LAMA2: variants seen among roughly 807,000 people sequenced by gnomAD.
LAMA2 encodes laminin subunit alpha-2.
LAMA2 carries 269 observed loss-of-function variants against 364.8 expected under a neutral mutation model. The observed-to-expected ratio is 0.74, with a 90% CI of 0.67 to 0.82. LAMA2 has a LOEUF of 0.82. Among genes scored for constraint, LAMA2 ranks in the 40% least tolerant of loss-of-function variants. The pLI is 0.00. For synonymous variants in LAMA2, 1,379 were observed against 1,370.6 expected (o/e 1.01, Z -0.14); for missense variants, 3,807 against 3,873.2 (o/e 0.98, Z 0.45).
chr6:129,169,100 T>C (rs1359046493), intron 9 of LAMA2, among the ~76,000 whole-genome samples: 2 of 152,132 alleles, frequency 1.3e-5, no homozygotes, highest in African/African-American at 4.8e-5. Flanking sequence ...AATCATGTCG[T>C]CTGCAAACGG....
chr6:129,303,616 A>G (rs1411393764), intron 22 of LAMA2, among the ~76,000 whole-genome samples: 1 of 152,166 alleles, frequency 6.6e-6, no homozygotes, highest in African/African-American at 2.4e-5. Flanking sequence ...AGCTTTTATC[A>G]AGAATATGTG....
At chr6:129,068,474 C>T (rs1168212326) in intron 3 of LAMA2, among the ~76,000 whole-genome samples, 1 of 152,164 alleles carries the variant, frequency 6.6e-6, no homozygotes, top group Admixed American at 6.5e-5. Context: ...TTGCTGTAGC[C>T]TCACATGGCA....
intron 1 of LAMA2, among the ~76,000 whole-genome samples, chr6:128,925,998 T>C (rs933969269): frequency 1.3e-5 from 2 of 152,178 alleles, no homozygotes; most frequent in African/African-American, 2.4e-5. Context: ...GGACTCTCCA[T>C]TGGTCCTTTA....
intron 1 of LAMA2, among the ~76,000 whole-genome samples, chr6:128,883,795 T>TACACACACACACAC (rs1189690006): frequency 3.5e-4 from 47 of 132,914 alleles, no homozygotes; most frequent in African/African-American, 1.5e-3. Flanking sequence ...ATTATATATA[T>TACACACACACACAC]ATATATACAC....
intron 22 of LAMA2, among the ~76,000 whole-genome samples, chr6:129,305,092 G>A (rs1437571569): frequency 6.6e-6 from 1 of 152,120 alleles, no homozygotes; most frequent in African/African-American, 2.4e-5. Context: ...GTATTTTTGA[G>A]CAGTGATACT....
intron 22 of LAMA2, among the ~76,000 whole-genome samples, chr6:129,307,651 T>C (rs868525710): frequency 2.0e-5 from 3 of 152,348 alleles, no homozygotes; most frequent in Non-Finnish European, 2.9e-5. Context: ...AATTGTTTCT[T>C]GGTTTGTATT....
At chr6:129,401,432 G>T in intron 38 of LAMA2, 92 bp downstream of exon 38, 1 of 830,762 alleles carries the variant, frequency 1.2e-6, no homozygotes, top group Admixed American at 1.7e-5. Flanking sequence ...ACTAGTACTT[G>T]TTTTCTTGTG....
intron 12 of LAMA2, among the ~76,000 whole-genome samples, chr6:129,208,838 A>C (rs1782896460): frequency 6.6e-6 from 1 of 152,208 alleles, no homozygotes; most frequent in South Asian, 2.1e-4. Flanking sequence ...AAGAATAGGA[A>C]GAATTTGCTC....
At chr6:128,911,222 G>T (rs1477177705) in intron 1 of LAMA2, among the ~76,000 whole-genome samples, 2 of 152,128 alleles carry the variant, frequency 1.3e-5, no homozygotes, top group South Asian at 2.1e-4. Context: ...AATGGCAGAC[G>T]CCCCTCCCCC....
chr6:129,334,629 A>G (rs532080062), intron 29 of LAMA2, among the ~76,000 whole-genome samples: 2 of 152,314 alleles, frequency 1.3e-5, no homozygotes, highest in Admixed American at 1.3e-4. Context: ...CGGATGTTGT[A>G]ACAAAATATC....
intron 7 of LAMA2, among the ~76,000 whole-genome samples, chr6:129,152,163 T>A (rs1179021622): frequency 6.6e-6 from 1 of 152,180 alleles, no homozygotes; most frequent in Non-Finnish European, 1.5e-5. Flanking sequence ...AAATGACATA[T>A]AACTTTGTAA....
intron 1 of LAMA2, among the ~76,000 whole-genome samples, chr6:129,031,235 C>G (rs899081994): frequency 6.6e-6 from 1 of 152,184 alleles, no homozygotes. Context: ...ACTAAAGCTG[C>G]ATAGAATTTG....
intron 62 of LAMA2, among the ~76,000 whole-genome samples, chr6:129,510,272 C>CAA (rs1786466623): frequency 6.6e-6 from 1 of 152,054 alleles, no homozygotes; most frequent in Non-Finnish European, 1.5e-5. Context: ...CTGCAGGATA[C>CAA]AAAGTCAACA....
At chr6:129,506,563 A>G (rs563409472) in intron 61 of LAMA2, among the ~76,000 whole-genome samples, 6 of 152,280 alleles carry the variant, frequency 3.9e-5, no homozygotes, top group Non-Finnish European at 7.4e-5. Context: ...TTGTAAATCA[A>G]TATTCACAAA....
chr6:129,463,499 C>T (rs887036080), intron 49 of LAMA2, among the ~76,000 whole-genome samples: 1 of 151,956 alleles, frequency 6.6e-6, no homozygotes, highest in African/African-American at 2.4e-5. Flanking sequence ...CCGCAGGTAT[C>T]TCCACAATCG....
Position 129,250,103 on chromosome 6 carries a change from G to C in LAMA2, c.1783-9G>C, listed in dbSNP as rs750057360. 5.9e-6 allele frequency: 9 copies of C among 1,524,496 alleles called. No individual in the cohort carries two copies. Among genetic ancestry groups the C allele is most frequent in the Non-Finnish European group, 8.2e-6 (9 of 1,098,980 alleles). The allele number at this position is 1,524,496 out of a possible 1,614,324, so 94.4% of individuals were successfully genotyped here. ...ATCCCGTAATGATTATGCATCTTCT[G>C]TCTTGTAGCTCCCAGCAGTAGGAGG... is the stretch of plus-strand genomic sequence containing the variant. On this transcript the variant is annotated splice_polypyrimidine_tract_variant and intron_variant, in intron 12 of 64. Transcript: ENST00000421865.
At chr6:129,320,486 G>C (rs770273023) in intron 27 of LAMA2, 52 bp from the exon 28 acceptor site, 8 of 1,022,250 alleles carry the variant, frequency 7.8e-6, no homozygotes, top group African/African-American at 4.7e-5. Flanking sequence ...TGTTTACTAG[G>C]TGATCTTAAC....
intron 5 of LAMA2, 86 bp downstream of exon 5, chr6:129,144,166 T>A: frequency 9.5e-7 from 1 of 1,047,170 alleles, no homozygotes; most frequent in Non-Finnish European, 1.5e-6. Context: ...ATGTTTTCAG[T>A]GATTTGTAGG....
chr6:129,480,392 A>G (rs7764858), intron 54 of LAMA2, among the ~76,000 whole-genome samples: 48,644 of 151,940 alleles, frequency 0.32, 8,379 homozygotes, highest in African/African-American at 0.45. Flanking sequence ...TTCATAAAGT[A>G]GAAAGTCCTC....
Sources: allele counts gnomAD v4.1 joint callset (sites outside exome capture counted in the v4.1 genomes callset), GRCh38; gene constraint gnomAD v4.1.1; transcripts MANE v1.5; gene names NCBI Gene and HGNC (gene_info 2026-07-23, HGNC 2026-07-21).